The following CFAP61 variants were observed in gnomAD, a reference collection of about 807,000 sequenced individuals.
The protein encoded by CFAP61 is cilia- and flagella-associated protein 61.
CFAP61 carries 107 observed loss-of-function variants against 135.6 expected under a neutral mutation model. The ratio of observed to expected loss-of-function variants is 0.79; its 90% CI spans 0.67 to 0.93. The LOEUF (loss-of-function observed/expected upper bound fraction) is 0.93. Ranked by LOEUF, CFAP61 falls within the 40% of genes least tolerant of loss-of-function variation. The pLI is 0.00. For missense variants in CFAP61, 1,507 were observed against 1,556.2 expected (o/e 0.97, Z 0.53); for synonymous variants, 575 against 578.5 (o/e 0.99, Z 0.09).
chr20:20,123,928 C>A (rs2146701561), intron 8 of CFAP61, among the ~76,000 whole-genome samples: 1 of 145,644 alleles, frequency 6.9e-6, no homozygotes, highest in South Asian at 2.2e-4. Context: ...TTTGTAGTTT[C>A]CTTGTAGAGG....
Position 20,085,518 on chromosome 20 carries a change from C to T in CFAP61, c.567-5326C>T, listed in dbSNP as rs1417041378. The T allele has an allele frequency of 2.9e-6, 4 of 1,366,412 alleles. No individual in the cohort carries two copies. In the African/African-American group the frequency reaches 5.9e-5, roughly 20 times the overall value. 84.6% of individuals were successfully genotyped at this position (1,366,412 alleles called of 1,614,324 possible). On this transcript the variant is annotated intron_variant, in intron 6 of 26. Transcript: ENST00000245957. ...GATTTGGATGTTTTTCTATTTTTCCCAGAAGAATTCGTGTTGAGGTATGAT... is the reference window on the plus strand; with the variant it reads ...GATTTGGATGTTTTTCTATTTTTCCTAGAAGAATTCGTGTTGAGGTATGAT...
rs71198039 is a variant in CFAP61, at chr20:20,072,091, C to CTTTTTTTTTTTTTTT, written c.294+1114_294+1128dup. The stretch of plus-strand genomic sequence containing the variant: ...CCTATTTGGTATCTAATCTAGCAAT[C>CTTTTTTTTTTTTTTT]TTTTTTTTTTTTTTTTTTTTTTTTT... On this transcript the variant is annotated intron_variant, in intron 3 of 26. Transcript: ENST00000245957. Among the ~76,000 whole-genome samples, 3 of 57,606 alleles carry CTTTTTTTTTTTTTTT rather than the reference C, an allele frequency of 5.2e-5. 1 individual carries two copies. Among genetic ancestry groups the CTTTTTTTTTTTTTTT allele is most frequent in the Non-Finnish European group, 1.0e-4 (3 of 28,740 alleles). 37.8% of individuals were successfully genotyped at this position (57,606 alleles called of 152,430 possible).
chr20:20,234,261 A>T (rs577718119), intron 18 of CFAP61, among the ~76,000 whole-genome samples: 3 of 152,222 alleles, frequency 2.0e-5, no homozygotes, highest in Non-Finnish European at 2.9e-5. Flanking sequence ...GGCCGTGGGC[A>T]GAGAGAGGCA....
chr20:20,074,310 T>TA lies in CFAP61; in HGVS notation c.304dup (p.Thr102AsnfsTer12). 1 of 1,614,178 alleles carries TA rather than the reference T, an allele frequency of 6.2e-7. No homozygotes were observed. The highest frequency in any genetic ancestry group is 1.1e-5 in the South Asian group (1 of 91,086). On this transcript the variant is annotated frameshift_variant, in exon 4 of 27. Transcript: ENST00000245957. LOFTEE classifies it high-confidence loss of function. Reference sequence around the variant, plus strand: ...TCTCTCTTCTTCTGCAGCCCCTGAATACGTTGTTCATGCACCTCTTTGTGG... The same window carrying TA: ...TCTCTCTTCTTCTGCAGCCCCTGAATAACGTTGTTCATGCACCTCTTTGTGG...
At chr20:20,181,276 T>TACACACACACAC (rs74180984) in intron 13 of CFAP61, among the ~76,000 whole-genome samples, 2,981 of 144,546 alleles carry the variant, frequency 0.021, 66 homozygotes, top group African/African-American at 0.054. Context: ...TGTGTATGTA[T>TACACACACACAC]ACACACACAC....
intron 21 of CFAP61, among the ~76,000 whole-genome samples, chr20:20,271,889 C>A (rs551763705): frequency 2.0e-5 from 3 of 152,148 alleles, no homozygotes; most frequent in Non-Finnish European, 4.4e-5. Flanking sequence ...GTGACTAAAT[C>A]TTTTAGCATA....
At chr20:20,351,949 A>C (rs1298259998) in intron 26 of CFAP61, among the ~76,000 whole-genome samples, 1 of 151,968 alleles carries the variant, frequency 6.6e-6, no homozygotes, top group East Asian at 1.9e-4. Context: ...AATCTTGAGA[A>C]AAAAAAAACG....
intron 18 of CFAP61, among the ~76,000 whole-genome samples, chr20:20,240,932 G>A (rs1329699256): frequency 1.3e-5 from 2 of 152,122 alleles, no homozygotes; most frequent in Non-Finnish European, 1.5e-5. Flanking sequence ...CCTTGAACCT[G>A]AGGTGACCCT....
intron 18 of CFAP61, among the ~76,000 whole-genome samples, chr20:20,239,042 G>A (rs2049822953): frequency 6.6e-6 from 1 of 151,716 alleles, no homozygotes; most frequent in Admixed American, 6.6e-5. Flanking sequence ...TATACATTAA[G>A]CCAACACCAT....
At chr20:20,105,470 C>T (rs970163832) in intron 8 of CFAP61, among the ~76,000 whole-genome samples, 8 of 152,120 alleles carry the variant, frequency 5.3e-5, no homozygotes. Context: ...CCCTCCTCCC[C>T]TTTTCTTTCC....
chr20:20,327,592 G>A (rs533432031), intron 25 of CFAP61, among the ~76,000 whole-genome samples: 4 of 152,030 alleles, frequency 2.6e-5, no homozygotes, highest in Admixed American at 2.0e-4. Flanking sequence ...TCACATGTTT[G>A]TATCTTTGGA....
At chr20:20,268,777 A>G (rs958842130) in intron 21 of CFAP61, among the ~76,000 whole-genome samples, 1 of 152,142 alleles carries the variant, frequency 6.6e-6, no homozygotes, top group African/African-American at 2.4e-5. Context: ...ACTAATTGAA[A>G]TTCATCTGCT....
intron 2 of CFAP61, among the ~76,000 whole-genome samples, chr20:20,070,289 A>T (rs1052258447): frequency 3.3e-5 from 5 of 152,254 alleles, no homozygotes; most frequent in African/African-American, 1.2e-4. Context: ...CATATGAATG[A>T]ATCAGTAAGT....
intron 25 of CFAP61, among the ~76,000 whole-genome samples, chr20:20,299,973 C>T (rs769482074): frequency 1.3e-5 from 2 of 152,198 alleles, no homozygotes; most frequent in Non-Finnish European, 1.5e-5. Flanking sequence ...AGTATGGTCA[C>T]GTGCCACATA....
chr20:20,107,907 A>T (rs2048525599), intron 8 of CFAP61: 1 of 152,166 alleles, frequency 6.6e-6, no homozygotes, highest in Non-Finnish European at 1.5e-5. Flanking sequence ...AATTGCAGGG[A>T]TGAGCAACCA....
intron 26 of CFAP61, among the ~76,000 whole-genome samples, chr20:20,346,812 C>T (rs2058651185): frequency 6.6e-6 from 1 of 152,140 alleles, no homozygotes; most frequent in Non-Finnish European, 1.5e-5. Flanking sequence ...AACAATAATG[C>T]AGACTTCTGT....
At chr20:20,259,708 G>A (rs530318160) in intron 20 of CFAP61, 77 of 152,168 alleles carry the variant, frequency 5.1e-4, no homozygotes, top group African/African-American at 1.8e-3. Flanking sequence ...CTCATCCAAG[G>A]ACTCCTGCTT....
intron 21 of CFAP61, among the ~76,000 whole-genome samples, chr20:20,272,420 T>A (rs945824648): frequency 1.3e-5 from 2 of 151,040 alleles, no homozygotes; most frequent in African/African-American, 4.9e-5. Flanking sequence ...AGTGAGACTC[T>A]GTCTTGAAAT....
At chr20:20,064,584 C>G (rs745806641) in intron 2 of CFAP61, among the ~76,000 whole-genome samples, 1 of 152,052 alleles carries the variant, frequency 6.6e-6, no homozygotes, top group South Asian at 2.1e-4. Context: ...TGGGATGGCA[C>G]GTAATTTCAT....
Sources: allele counts gnomAD v4.1 joint callset (sites outside exome capture counted in the v4.1 genomes callset), GRCh38; gene constraint gnomAD v4.1.1; transcripts MANE v1.5; gene names NCBI Gene and HGNC (gene_info 2026-07-23, HGNC 2026-07-21).